Variants in LRP1B observed in about 807,000 individuals in gnomAD.
LRP1B encodes LDL receptor related protein 1B.
LRP1B carries 217 observed loss-of-function variants against 556.6 expected under a neutral mutation model. The ratio of observed to expected loss-of-function variants is 0.39; its 90% CI spans 0.35 to 0.44. The LOEUF (loss-of-function observed/expected upper bound fraction) is 0.44. Ranked by LOEUF, LRP1B falls within the 20% of genes least tolerant of loss-of-function variation. The pLI is 1.00. For missense variants in LRP1B, 5,053 were observed against 5,620.8 expected, an observed-to-expected ratio of 0.90 and a Z score of 3.23; for synonymous variants, 2,047 against 1,865.8, an observed-to-expected ratio of 1.10 and a Z score of -2.50.
intron 41 of LRP1B, among the ~76,000 whole-genome samples, chr2:140,635,609 C>T (rs946655241): frequency 1.3e-5 from 2 of 151,834 alleles, no homozygotes; most frequent in African/African-American, 2.4e-5. Flanking sequence ...TTTCCACTGA[C>T]GGGAATGGTA....
intron 43 of LRP1B, among the ~76,000 whole-genome samples, chr2:140,563,282 A>G (rs1423176673): frequency 6.6e-6 from 1 of 152,142 alleles, no homozygotes; most frequent in Non-Finnish European, 1.5e-5. Flanking sequence ...TATTAAAGTG[A>G]TAGTTGGAGA....
At chr2:140,270,197 A>G (rs751472997) in intron 86 of LRP1B, 45 bp downstream of exon 86, 1 of 1,361,836 alleles carries the variant, frequency 7.3e-7, no homozygotes, top group Non-Finnish European at 1.1e-6. Flanking sequence ...TCATGTACAT[A>G]CAAAGGCTTA....
At chr2:141,574,960 C>T (rs113902671) in intron 2 of LRP1B, among the ~76,000 whole-genome samples, 1 of 151,870 alleles carries the variant, frequency 6.6e-6, no homozygotes, top group South Asian at 2.1e-4. Context: ...AAGAGAGGAT[C>T]CAAACAAATG....
chr2:141,107,603 G>T lies in LRP1B; in HGVS notation c.1014-45330C>A, dbSNP rs368362575. 8.5e-5 allele frequency among the ~76,000 whole-genome samples: 13 copies of T among 152,148 alleles called. No individual in the cohort carries two copies. In the East Asian group the frequency reaches 1.7e-3, roughly 20 times the overall value. On this transcript the variant is annotated intron_variant, in intron 7 of 90. Transcript: ENST00000389484. ...GGAGGTTGCAGTGAGCTGAGATCGC[G>T]CCACTGCACTCCAGCCTGGCAACAG... is the stretch of plus-strand genomic sequence containing the variant.
intron 6 of LRP1B, among the ~76,000 whole-genome samples, chr2:141,211,566 G>A (rs1392038657): frequency 1.3e-5 from 2 of 151,994 alleles, no homozygotes; most frequent in African/African-American, 2.4e-5. Flanking sequence ...GCAGTGAGCC[G>A]AGATCCGGCC....
At chr2:141,189,844 A>G (rs1276135701) in intron 6 of LRP1B, among the ~76,000 whole-genome samples, 1 of 151,926 alleles carries the variant, frequency 6.6e-6, no homozygotes, top group Non-Finnish European at 1.5e-5. Context: ...GCCGCTTTGA[A>G]CTTCAGACTG....
chr2:141,828,604 C>A (rs1697011679), intron 1 of LRP1B, among the ~76,000 whole-genome samples: 1 of 152,022 alleles, frequency 6.6e-6, no homozygotes, highest in South Asian at 2.1e-4. Context: ...TCTTTTCTGT[C>A]GTTTAAGTGG....
intron 35 of LRP1B, among the ~76,000 whole-genome samples, chr2:140,738,339 A>C (rs1217442076): frequency 6.6e-6 from 1 of 152,068 alleles, no homozygotes; most frequent in African/African-American, 2.4e-5. Context: ...GTGGGTGGGC[A>C]GGGAAGAGGC....
intron 7 of LRP1B, among the ~76,000 whole-genome samples, chr2:141,125,844 CA>C (rs386391362): frequency 1.0e-3 from 102 of 102,188 alleles, no homozygotes; most frequent in East Asian, 1.3e-3. Flanking sequence ...CTTTCAAATG[CA>C]AAAAAAAAAA....
chr2:141,569,139 A>C (rs997644725), intron 2 of LRP1B, among the ~76,000 whole-genome samples: 2 of 151,118 alleles, frequency 1.3e-5, no homozygotes, highest in East Asian at 3.9e-4. Flanking sequence ...AGTAAATCAG[A>C]TACAGATTCT....
chr2:141,620,783 C>T (rs923530936), intron 2 of LRP1B, among the ~76,000 whole-genome samples: 2 of 151,828 alleles, frequency 1.3e-5, no homozygotes, highest in African/African-American at 2.4e-5. Context: ...AATGAAGACA[C>T]CTTTTCAGAA....
intron 31 of LRP1B, among the ~76,000 whole-genome samples, chr2:140,831,839 G>T (rs1691727775): frequency 6.6e-6 from 1 of 152,010 alleles, no homozygotes. Flanking sequence ...CTAATAATGT[G>T]ATTTTAAAAT....
intron 1 of LRP1B, among the ~76,000 whole-genome samples, chr2:142,035,157 G>GA (rs1703835112): frequency 6.6e-6 from 1 of 151,430 alleles, no homozygotes; most frequent in African/African-American, 2.4e-5. Flanking sequence ...GTTTTCCAAA[G>GA]AAAAAAGTCC....
At chr2:140,443,732 C>T (rs1417005064) in intron 65 of LRP1B, among the ~76,000 whole-genome samples, 4 of 151,968 alleles carry the variant, frequency 2.6e-5, no homozygotes, top group East Asian at 1.9e-4. Context: ...TTCCATTTAA[C>T]GTAATTTGAA....
intron 1 of LRP1B, among the ~76,000 whole-genome samples, chr2:141,879,039 G>T (rs1219049569): frequency 6.6e-6 from 1 of 151,530 alleles, no homozygotes; most frequent in East Asian, 1.9e-4. Flanking sequence ...TAGCTTTAAA[G>T]AAAATTATAA....
chr2:141,385,928 T>A (rs1369970431), intron 3 of LRP1B, among the ~76,000 whole-genome samples: 3 of 152,172 alleles, frequency 2.0e-5, no homozygotes, highest in Admixed American at 1.3e-4. Context: ...GCATGTCATT[T>A]TTTTACTGTT....
At chr2:142,099,808 C>A (rs1467180458) in intron 1 of LRP1B, among the ~76,000 whole-genome samples, 1 of 151,814 alleles carries the variant, frequency 6.6e-6, no homozygotes, top group Non-Finnish European at 1.5e-5. Flanking sequence ...AGAATTAGTT[C>A]TGTTTCTAAA....
At chr2:140,642,395 A>G (rs939989700) in intron 41 of LRP1B, among the ~76,000 whole-genome samples, 1 of 152,116 alleles carries the variant, frequency 6.6e-6, no homozygotes, top group African/African-American at 2.4e-5. Context: ...GCATCTAACT[A>G]CAATGTCCCA....
At chr2:140,581,783 CTG>C (rs1279897814) in intron 43 of LRP1B, among the ~76,000 whole-genome samples, 1 of 152,122 alleles carries the variant, frequency 6.6e-6, no homozygotes, top group East Asian at 1.9e-4. Context: ...CCTCTTCTCT[CTG>C]TATTTTTCTC....
Sources: gnomAD v4.1 joint callset for allele counts (sites outside exome capture counted in the v4.1 genomes callset) on GRCh38, gnomAD v4.1.1 for gene constraint, MANE v1.5 for transcripts, NCBI Gene and HGNC (gene_info 2026-07-23, HGNC 2026-07-21) for gene names.